CNTNAP5: variants seen among roughly 807,000 people sequenced by gnomAD.
CNTNAP5 encodes contactin associated protein family member 5.
CNTNAP5 carries 72 observed loss-of-function variants against 150.2 expected under a neutral mutation model. The ratio of observed to expected loss-of-function variants is 0.48; its 90% confidence interval spans 0.40 to 0.58. The LOEUF (loss-of-function observed/expected upper bound fraction) is 0.58. Ranked by LOEUF, CNTNAP5 falls within the 20% of genes least tolerant of loss-of-function variation. CNTNAP5 has a pLI of 0.00. For synonymous variants in CNTNAP5, 672 were observed against 619.8 expected, an observed-to-expected ratio of 1.08 and a Z score of -1.25; for missense variants, 1,636 against 1,626.2, an observed-to-expected ratio of 1.01 and a Z score of -0.10.
Position 124,563,102 on chromosome 2 carries a change from T to C in CNTNAP5, c.1650-115T>C, listed in dbSNP as rs1291450626. 14 of 670,432 alleles carry C rather than the reference T, an allele frequency of 2.1e-5. No homozygotes were observed. The East Asian group carries it at 3.8e-4, about 18-fold the overall frequency. The allele number at this position is 670,432 out of a possible 1,614,324, so 41.5% of individuals were successfully genotyped here. ...TCAATCTGCCTTAGGTATGGGAGTATAGCAAATCAATATCTACTATTAATT... is the reference window on the plus strand; with the variant it reads ...TCAATCTGCCTTAGGTATGGGAGTACAGCAAATCAATATCTACTATTAATT... On this transcript the variant is annotated intron_variant, in intron 10 of 23. Transcript: ENST00000682447.
intron 11 of CNTNAP5, among the ~76,000 whole-genome samples, chr2:124,579,833 G>A (rs1696370292): frequency 1.3e-5 from 2 of 152,222 alleles, no homozygotes; most frequent in Admixed American, 1.3e-4. Flanking sequence ...ACCTAAGTGA[G>A]AAAATGACCA....
chr2:124,603,639 A>T (rs938950481), intron 11 of CNTNAP5, among the ~76,000 whole-genome samples: 1 of 152,208 alleles, frequency 6.6e-6, no homozygotes, highest in Non-Finnish European at 1.5e-5. Flanking sequence ...AAATACATTT[A>T]TACAAGAAAG....
At chr2:124,403,549 A>C (rs567171212) in intron 3 of CNTNAP5, among the ~76,000 whole-genome samples, 1 of 152,204 alleles carries the variant, frequency 6.6e-6, no homozygotes, top group South Asian at 2.1e-4. Context: ...ACTGATTTTG[A>C]AAAAAGTACA....
chr2:124,865,243 A>T, intron 19 of CNTNAP5, 63 bp from the exon 20 acceptor site: 1 of 1,336,842 alleles, frequency 7.5e-7, no homozygotes, highest in Non-Finnish European at 1.0e-6. Context: ...AGATAATCTG[A>T]TCATGTCTTT....
At chr2:124,062,478 A>T (rs544223232) in intron 1 of CNTNAP5, among the ~76,000 whole-genome samples, 6 of 152,308 alleles carry the variant, frequency 3.9e-5, no homozygotes, top group East Asian at 1.9e-4. Context: ...TTAGATTTGC[A>T]TATGCAATGT....
At chr2:124,276,635 A>G (rs917098630) in intron 3 of CNTNAP5, among the ~76,000 whole-genome samples, 4 of 152,150 alleles carry the variant, frequency 2.6e-5, no homozygotes, top group African/African-American at 7.2e-5. Flanking sequence ...TCTAAAGCTG[A>G]TATTAGCTAA....
intron 22 of CNTNAP5, 125 bp downstream of exon 22, chr2:124,903,225 G>A (rs1678451897): frequency 5.5e-6 from 3 of 548,422 alleles, no homozygotes; most frequent in Non-Finnish European, 9.4e-6. Flanking sequence ...ATAACAGGTG[G>A]CTAAAAATTA....
intron 7 of CNTNAP5, among the ~76,000 whole-genome samples, chr2:124,486,801 A>T (rs78834558): frequency 0.033 from 5,066 of 152,264 alleles, 118 homozygotes; most frequent in Non-Finnish European, 0.042. Flanking sequence ...AAAAATAGTG[A>T]AACTACTACT....
At position 124,431,151 on chromosome 2, in the gene CNTNAP5, T is replaced by C. The variant is rs144109565; in HGVS notation, c.530-3333T>C. Among the ~76,000 whole-genome samples, 313 of 152,270 alleles carry C rather than the reference T, an allele frequency of 2.1e-3. 1 individual carries two copies. Among genetic ancestry groups the C allele is most frequent in the African/African-American group, 7.1e-3 (295 of 41,562 alleles). On this transcript the variant is annotated intron_variant, in intron 4 of 23. Coordinates refer to ENST00000682447, the MANE Select transcript of CNTNAP5 (RefSeq NM_001367498.1). The stretch of plus-strand genomic sequence containing the variant: ...TTGGCTTAGTTTTCTCTAGGTCTCA[T>C]GACAACGTGGAGATGTGTTTTCTTA...
chr2:124,257,620 C>A lies in CNTNAP5; in HGVS notation c.381+15227C>A, dbSNP rs1687344949. On this transcript the variant is annotated intron_variant, in intron 3 of 23. Coordinates refer to ENST00000682447, the MANE Select transcript of CNTNAP5 (RefSeq NM_001367498.1). ...AACACTTCTCCTGATTCAATTACTT[C>A]AAGTAAAAGTGATCCTTTGCACATC... Among the ~76,000 whole-genome samples the A allele has an allele frequency of 3.9e-5, 6 of 152,298 alleles. No homozygotes were observed. In the South Asian group the frequency reaches 8.3e-4, roughly 21 times the overall value.
At chr2:124,063,069 C>T (rs1249184516) in intron 1 of CNTNAP5, among the ~76,000 whole-genome samples, 2 of 151,878 alleles carry the variant, frequency 1.3e-5, no homozygotes, top group African/African-American at 2.4e-5. Flanking sequence ...TACTGATTCT[C>T]TCAAATTGGT....
At chr2:124,619,692 G>A (rs996109324) in intron 12 of CNTNAP5, among the ~76,000 whole-genome samples, 45 of 151,660 alleles carry the variant, frequency 3.0e-4, no homozygotes, top group African/African-American at 8.5e-4. Context: ...TCCCAAATGA[G>A]GAGGAATTCT....
rs189865374 is a variant in CNTNAP5 at position 124,293,005 on chromosome 2, A to G, written c.381+50612A>G. ...TAGAGACAGAGCTAAAGTATAAAGTATATGAATAAGCAAAAAGAATAATTG... is the reference window on the plus strand; with the variant it reads ...TAGAGACAGAGCTAAAGTATAAAGTGTATGAATAAGCAAAAAGAATAATTG... On this transcript the variant is annotated intron_variant, in intron 3 of 23. Coordinates refer to ENST00000682447, the MANE Select transcript of CNTNAP5 (RefSeq NM_001367498.1). Among the ~76,000 whole-genome samples, 5 of 152,238 alleles carry G rather than the reference A, an allele frequency of 3.3e-5. No individual in the cohort carries two copies. The East Asian group carries it at 9.6e-4, about 29-fold the overall frequency.
intron 10 of CNTNAP5, among the ~76,000 whole-genome samples, chr2:124,542,781 A>AT (rs1695417587): frequency 6.6e-6 from 1 of 152,118 alleles, no homozygotes; most frequent in Non-Finnish European, 1.5e-5. Flanking sequence ...CTACTGATGC[A>AT]TTCAGCTGAG....
intron 13 of CNTNAP5, among the ~76,000 whole-genome samples, chr2:124,708,305 T>C (rs1415827008): frequency 2.0e-5 from 3 of 152,132 alleles, no homozygotes; most frequent in Non-Finnish European, 4.4e-5. Context: ...CTAAGCCTGG[T>C]ACTGAGGAGG....
intron 20 of CNTNAP5, among the ~76,000 whole-genome samples, chr2:124,867,565 C>T (rs74865056): frequency 0.037 from 5,687 of 152,170 alleles, 347 homozygotes; most frequent in African/African-American, 0.13. Context: ...ATTGCTTGCC[C>T]AATACAACTC....
chr2:124,229,005 A>G (rs1686542941), intron 2 of CNTNAP5, among the ~76,000 whole-genome samples: 1 of 152,072 alleles, frequency 6.6e-6, no homozygotes, highest in African/African-American at 2.4e-5. Flanking sequence ...TCCCTTGATG[A>G]TTATATAAAA....
intron 1 of CNTNAP5, among the ~76,000 whole-genome samples, chr2:124,040,133 G>A (rs1045475988): frequency 3.3e-5 from 5 of 152,098 alleles, no homozygotes; most frequent in East Asian, 1.9e-4. Context: ...ATGCTCCACC[G>A]TGTCTGCTTG....
chr2:124,161,053 G>A (rs1422402028), intron 1 of CNTNAP5, among the ~76,000 whole-genome samples: 3 of 152,128 alleles, frequency 2.0e-5, no homozygotes, highest in African/African-American at 7.2e-5. Flanking sequence ...AACGAGAAAA[G>A]GAAGTATAGA....
Sources: allele counts gnomAD v4.1 joint callset (sites outside exome capture counted in the v4.1 genomes callset), GRCh38; gene constraint gnomAD v4.1.1; transcripts MANE v1.5; gene names NCBI Gene and HGNC (gene_info 2026-07-23, HGNC 2026-07-21).